The following NIPAL2 variants were observed in gnomAD, a reference collection of about 807,000 sequenced individuals.
NIPAL2 encodes NIPA-like protein 2.
A neutral mutation model predicts 48.9 loss-of-function variants in NIPAL2; 43 were observed. The ratio of observed to expected loss-of-function variants is 0.88; its 90% CI spans 0.69 to 1.13. The LOEUF is 1.13. Among genes scored for constraint, NIPAL2 ranks in the 50% most tolerant of loss-of-function variants. The pLI, the probability that NIPAL2 is intolerant of heterozygous loss-of-function variation, is 0.00. For missense variants in NIPAL2, 446 were observed against 461.4 expected, an observed-to-expected ratio of 0.97 and a Z score of 0.31; for synonymous variants, 167 against 174.6, an observed-to-expected ratio of 0.96 and a Z score of 0.34.
chr8:98,247,710 G>T (rs1022246876), intron 3 of NIPAL2, among the ~76,000 whole-genome samples: 1 of 152,184 alleles, frequency 6.6e-6, no homozygotes, highest in African/African-American at 2.4e-5. Context: ...TGAGAGGAGG[G>T]CCTGCGTAGG....
chr8:98,278,942 T>C (rs1202416949), intron 1 of NIPAL2, among the ~76,000 whole-genome samples: 1 of 152,196 alleles, frequency 6.6e-6, no homozygotes, highest in African/African-American at 2.4e-5. Flanking sequence ...AGTAAAAAGC[T>C]ACTTGCTGAC....
intron 5 of NIPAL2, among the ~76,000 whole-genome samples, chr8:98,216,550 C>T (rs1330515755): frequency 6.6e-6 from 1 of 152,166 alleles, no homozygotes; most frequent in Non-Finnish European, 1.5e-5. Flanking sequence ...GTTTCTAATA[C>T]CTGATGGTGG....
intron 4 of NIPAL2, among the ~76,000 whole-genome samples, chr8:98,226,959 A>T (rs902421380): frequency 2.2e-4 from 33 of 152,262 alleles, no homozygotes; most frequent in African/African-American, 7.7e-4. Context: ...TACTGCAGCT[A>T]GGCTGACACC....
At chr8:98,206,330 G>A (rs954087523) in intron 6 of NIPAL2, among the ~76,000 whole-genome samples, 1 of 134,334 alleles carries the variant, frequency 7.4e-6, no homozygotes, top group African/African-American at 3.1e-5. Flanking sequence ...ATATATATAT[G>A]TATGTATGTA....
At chr8:98,272,617 T>G (rs577188407) in intron 1 of NIPAL2, among the ~76,000 whole-genome samples, 1 of 126,940 alleles carries the variant, frequency 7.9e-6, no homozygotes, top group Admixed American at 7.7e-5. Flanking sequence ...GTGTGCTATC[T>G]TTTTTTTTTT....
chr8:98,286,816 A>G (rs1480398638), intron 1 of NIPAL2, among the ~76,000 whole-genome samples: 1 of 143,170 alleles, frequency 7.0e-6, no homozygotes, highest in East Asian at 2.0e-4. Flanking sequence ...CTCTGTCAAA[A>G]AAAAAAAAAA....
At chr8:98,234,158 G>C (rs1332478635) in intron 4 of NIPAL2, among the ~76,000 whole-genome samples, 1 of 152,084 alleles carries the variant, frequency 6.6e-6, no homozygotes, top group Non-Finnish European at 1.5e-5. Context: ...CCCCTACAAT[G>C]AAGAATGATC....
intron 1 of NIPAL2, among the ~76,000 whole-genome samples, chr8:98,266,808 T>C (rs1286348773): frequency 6.6e-6 from 1 of 151,908 alleles, no homozygotes; most frequent in Non-Finnish European, 1.5e-5. Flanking sequence ...AACAATACCA[T>C]AAGGAGTTTG....
At chr8:98,232,004 T>C (rs72664818) in intron 4 of NIPAL2, 1 of 148,882 alleles carries the variant, frequency 6.7e-6, no homozygotes, top group East Asian at 2.0e-4. Context: ...ATGCTTTTTT[T>C]AAAAAATTTT....
At chr8:98,236,916 T>C (rs1812748077) in intron 3 of NIPAL2, among the ~76,000 whole-genome samples, 1 of 148,284 alleles carries the variant, frequency 6.7e-6, no homozygotes, top group Non-Finnish European at 1.5e-5. Flanking sequence ...CTGAAACTCA[T>C]GATTTCCCAG....
At chr8:98,284,689 C>T (rs1816056893) in intron 1 of NIPAL2, among the ~76,000 whole-genome samples, 1 of 152,042 alleles carries the variant, frequency 6.6e-6, no homozygotes, top group Non-Finnish European at 1.5e-5. Flanking sequence ...CCCTGCAAGT[C>T]CAGAGGCTGA....
intron 1 of NIPAL2, among the ~76,000 whole-genome samples, chr8:98,257,804 G>C (rs1338838617): frequency 6.6e-6 from 1 of 152,120 alleles, no homozygotes. Context: ...CAGGTCTTTA[G>C]ATAATAACTC....
chr8:98,238,723 G>C (rs1812843480), intron 3 of NIPAL2, among the ~76,000 whole-genome samples: 1 of 151,996 alleles, frequency 6.6e-6, no homozygotes, highest in South Asian at 2.1e-4. Flanking sequence ...GGTAAACCAG[G>C]CATGGGAAAT....
chr8:98,256,290 T>C (rs946999876), intron 1 of NIPAL2, among the ~76,000 whole-genome samples: 5 of 152,208 alleles, frequency 3.3e-5, no homozygotes, highest in Admixed American at 2.6e-4. Context: ...CCCAAAGTGC[T>C]GGGATTACAG....
rs115143907 is a variant in NIPAL2, at chr8:98,221,474, G to T, written c.558+1005C>A. Among the ~76,000 whole-genome samples, 1,499 of 151,872 alleles carry T rather than the reference G, an allele frequency of 9.9e-3. 23 individuals are homozygous for T. Among genetic ancestry groups the T allele is most frequent in the African/African-American group, 0.034 (1,395 of 41,410 alleles). On this transcript the variant is annotated intron_variant, in intron 5 of 10. Transcript: ENST00000430223. ...TATACAAGTTTAAATATTTTATATT[G>T]GTTGAGAGTACTAATGGGAATGTAA...
intron 8 of NIPAL2, among the ~76,000 whole-genome samples, chr8:98,196,394 GGGGCCTCTGACATGGC>G (rs1378851227): frequency 3.3e-5 from 5 of 152,314 alleles, no homozygotes; most frequent in Non-Finnish European, 7.4e-5. Context: ...GGTAGACTCT[GGGGCCTCTGACATGGC>G]AGGTCCACCT....
At position 98,193,090 on chromosome 8, in the gene NIPAL2, C is replaced by T. The variant is rs1351593818; in HGVS notation, c.1040G>A (p.Gly347Glu). ...QSYIDFGNIP[G>E]KQMLDKIQPD... Reference sequence around the variant, plus strand: ...TTGTATTTTGTCCAACATTTGTTTCCCTGTGGAGATAATAATCATAGAGAA... The same window carrying T: ...TTGTATTTTGTCCAACATTTGTTTCTCTGTGGAGATAATAATCATAGAGAA... Residue 347 changes from glycine (G) to glutamate (E), a missense_variant and splice_region_variant, in exon 11 of 11, where the codon GGG becomes GAG. Physicochemically the swap from Gly to Glu is moderately conservative, Grantham distance 98. Coordinates refer to ENST00000430223, the MANE Select transcript of NIPAL2 (RefSeq NM_001321635.2). 1 of 1,604,972 alleles carries T rather than the reference C, an allele frequency of 6.2e-7. No homozygotes were observed. Among genetic ancestry groups the T allele is most frequent in the Admixed American group, 1.7e-5 (1 of 59,988 alleles).
intron 3 of NIPAL2, among the ~76,000 whole-genome samples, chr8:98,237,490 C>T (rs1214481559): frequency 6.6e-6 from 1 of 152,024 alleles, no homozygotes; most frequent in East Asian, 1.9e-4. Flanking sequence ...CCCCTTTCCC[C>T]ATACCACCAC....
At chr8:98,258,075 G>C (rs1347542580) in intron 1 of NIPAL2, among the ~76,000 whole-genome samples, 5 of 152,224 alleles carry the variant, frequency 3.3e-5, no homozygotes, top group Non-Finnish European at 7.3e-5. Context: ...ATTTTACAGA[G>C]TTTGACTACT....
Sources: gnomAD v4.1 joint callset for allele counts (sites outside exome capture counted in the v4.1 genomes callset) on GRCh38, gnomAD v4.1.1 for gene constraint, MANE v1.5 for transcripts, NCBI Gene and HGNC (gene_info 2026-07-23, HGNC 2026-07-21) for gene names.